The following LRMDA variants were observed in gnomAD, a reference collection of about 807,000 sequenced individuals.
LRMDA encodes leucine-rich melanocyte differentiation-associated protein.
A neutral mutation model predicts 29.8 loss-of-function variants in LRMDA; 18 were observed. The observed-to-expected ratio is 0.60, with a 90% CI of 0.42 to 0.90. The LOEUF (loss-of-function observed/expected upper bound fraction) is 0.90. Among genes scored for constraint, LRMDA ranks in the 40% least tolerant of loss-of-function variants. The pLI is 0.00. For missense variants in LRMDA, 273 were observed against 273.9 expected (o/e 1.00, Z 0.02); for synonymous variants, 125 against 109.4 (o/e 1.14, Z -0.89).
At chr10:76,031,416 C>T (rs1008728775) in intron 2 of LRMDA, among the ~76,000 whole-genome samples, 1 of 152,176 alleles carries the variant, frequency 6.6e-6, no homozygotes, top group Non-Finnish European at 1.5e-5. Context: ...GGCCAGTGTG[C>T]TGGTCCTGCT....
At chr10:76,140,950 C>G (rs1850187288) in intron 5 of LRMDA, among the ~76,000 whole-genome samples, 1 of 152,050 alleles carries the variant, frequency 6.6e-6, no homozygotes, top group African/African-American at 2.4e-5. Context: ...GTCCAACCAA[C>G]TCTCCTAAAA....
intron 2 of LRMDA, among the ~76,000 whole-genome samples, chr10:75,525,933 T>TA (rs142153141): frequency 0.019 from 2,915 of 152,066 alleles, 92 homozygotes; most frequent in African/African-American, 0.067. Context: ...TTCATTATAT[T>TA]AAAAAAATTC....
At chr10:76,158,463 A>C (rs1410405763) in intron 5 of LRMDA, among the ~76,000 whole-genome samples, 1 of 152,140 alleles carries the variant, frequency 6.6e-6, no homozygotes, top group Non-Finnish European at 1.5e-5. Context: ...AAGACTAGTG[A>C]ATACATGGTC....
At chr10:75,720,522 C>T (rs1442478792) in intron 2 of LRMDA, among the ~76,000 whole-genome samples, 4 of 152,146 alleles carry the variant, frequency 2.6e-5, no homozygotes, top group Admixed American at 2.6e-4. Context: ...GTGGAAATGC[C>T]TTCGAAGTTT....
chr10:75,976,059 C>G lies in LRMDA; in HGVS notation c.132-59949C>G, dbSNP rs142087697. Among the ~76,000 whole-genome samples, 715 of 152,352 alleles carry G rather than the reference C, an allele frequency of 4.7e-3. 9 individuals are homozygous for G. Among genetic ancestry groups the G allele is most frequent in the African/African-American group, 0.016 (683 of 41,584 alleles). ...ATTGTCAATCAGCTCCTGTCACTCT[C>G]TTGCTGAATTCCCTCCAGCAGTTAC... On this transcript the variant is annotated intron_variant, in intron 2 of 6. Coordinates refer to ENST00000611255, the MANE Select transcript of LRMDA (RefSeq NM_001305581.2).
chr10:75,586,944 T>C (rs1840664349), intron 2 of LRMDA, among the ~76,000 whole-genome samples: 1 of 152,210 alleles, frequency 6.6e-6, no homozygotes, highest in Admixed American at 6.5e-5. Flanking sequence ...ACTCTGTTGA[T>C]TGATTTCTTT....
chr10:75,894,330 C>T (rs1845547552), intron 2 of LRMDA, among the ~76,000 whole-genome samples: 1 of 152,202 alleles, frequency 6.6e-6, no homozygotes, highest in Non-Finnish European at 1.5e-5. Flanking sequence ...TCTCCAATCT[C>T]ATCCAGGTCT....
At chr10:75,924,555 G>C (rs1465440021) in intron 2 of LRMDA, among the ~76,000 whole-genome samples, 5 of 152,190 alleles carry the variant, frequency 3.3e-5, no homozygotes, top group Non-Finnish European at 7.3e-5. Flanking sequence ...ACAGTGGTCT[G>C]TCAGGAAGGA....
chr10:75,728,870 A>G (rs1842662206), intron 2 of LRMDA, among the ~76,000 whole-genome samples: 1 of 152,102 alleles, frequency 6.6e-6, no homozygotes, highest in Admixed American at 6.5e-5. Context: ...GTGAGGCAAG[A>G]GTGGTGGTCT....
intron 6 of LRMDA, among the ~76,000 whole-genome samples, chr10:76,343,185 T>A (rs981017828): frequency 2.0e-5 from 3 of 152,220 alleles, no homozygotes; most frequent in African/African-American, 7.2e-5. Context: ...TTGCAGGGTA[T>A]GGAAGTACTA....
chr10:75,996,934 G>A (rs980629389), intron 2 of LRMDA, among the ~76,000 whole-genome samples: 9 of 151,858 alleles, frequency 5.9e-5, no homozygotes, highest in South Asian at 2.1e-4. Flanking sequence ...GGGTTTCACC[G>A]TGTTAGCCAG....
chr10:75,760,504 A>G (rs1269530695), intron 2 of LRMDA, among the ~76,000 whole-genome samples: 1 of 152,150 alleles, frequency 6.6e-6, no homozygotes, highest in East Asian at 1.9e-4. Flanking sequence ...ATGTGTTGAA[A>G]AATACCCTCT....
At chr10:76,307,246 G>A (rs577736493) in intron 5 of LRMDA, among the ~76,000 whole-genome samples, 1 of 152,292 alleles carries the variant, frequency 6.6e-6, no homozygotes, top group African/African-American at 2.4e-5. Flanking sequence ...ATCCTGAAAG[G>A]TATAAACTTT....
chr10:76,537,028 A>G (rs899515445), intron 6 of LRMDA, among the ~76,000 whole-genome samples: 2 of 152,224 alleles, frequency 1.3e-5, no homozygotes, highest in South Asian at 2.1e-4. Flanking sequence ...TTGCTTAAAT[A>G]TTATGATGGA....
chr10:76,482,071 C>T (rs1019150054), intron 6 of LRMDA, among the ~76,000 whole-genome samples: 1 of 151,858 alleles, frequency 6.6e-6, no homozygotes, highest in South Asian at 2.1e-4. Flanking sequence ...AATTTTTTCT[C>T]TTCATATATT....
rs1842904621 is a variant in LRMDA, at chr10:76,500,982, T to A, written c.602-56227T>A. Among the ~76,000 whole-genome samples, 2 of 74,110 alleles carry A rather than the reference T, an allele frequency of 2.7e-5. 1 individual carries two copies. Among genetic ancestry groups the A allele is most frequent in the Non-Finnish European group, 9.0e-5 (2 of 22,308 alleles). 48.6% of individuals were successfully genotyped at this position (74,110 alleles called of 152,430 possible). A position where few individuals can be genotyped will look rare whatever the true frequency, so the allele number is the denominator to read the frequency against. ...ATGGATGATCCCATCATGTAGGTAGTGAGCATAGTACCTAAGAGGTAGTTT... is the reference window on the plus strand; with the variant it reads ...ATGGATGATCCCATCATGTAGGTAGAGAGCATAGTACCTAAGAGGTAGTTT... On this transcript the variant is annotated intron_variant, in intron 6 of 6. Coordinates refer to ENST00000611255, the MANE Select transcript of LRMDA (RefSeq NM_001305581.2).
At chr10:75,825,298 T>G (rs1241307977) in intron 2 of LRMDA, among the ~76,000 whole-genome samples, 1 of 152,178 alleles carries the variant, frequency 6.6e-6, no homozygotes, top group African/African-American at 2.4e-5. Context: ...CTACAAACTT[T>G]GGGTGGTGTT....
At chr10:75,807,317 A>G (rs1032208125) in intron 2 of LRMDA, among the ~76,000 whole-genome samples, 17 of 152,200 alleles carry the variant, frequency 1.1e-4, no homozygotes, top group African/African-American at 3.9e-4. Context: ...TGGAGCACAG[A>G]GGCACAGAGA....
chr10:75,825,605 A>G (rs1173881608), intron 2 of LRMDA, among the ~76,000 whole-genome samples: 1 of 152,244 alleles, frequency 6.6e-6, no homozygotes, highest in Non-Finnish European at 1.5e-5. Flanking sequence ...AAAAACATTT[A>G]CACCAGTTTA....
Sources: allele counts gnomAD v4.1 joint callset (sites outside exome capture counted in the v4.1 genomes callset), GRCh38; gene constraint gnomAD v4.1.1; transcripts MANE v1.5; gene names NCBI Gene and HGNC (gene_info 2026-07-23, HGNC 2026-07-21).